UNC80: variants seen among roughly 807,000 people sequenced by gnomAD.
The protein encoded by UNC80 is protein unc-80 homolog.
Under a neutral mutation model 384.6 loss-of-function variants are expected in UNC80, and 164 were observed. The observed-to-expected ratio is 0.43, with a 90% CI of 0.38 to 0.49. The LOEUF (loss-of-function observed/expected upper bound fraction) is 0.49. Ranked by LOEUF, UNC80 falls within the 20% of genes least tolerant of loss-of-function variation. The pLI is 0.00. For synonymous variants in UNC80, 1,486 were observed against 1,527.8 expected (o/e 0.97, Z 0.64); for missense variants, 3,330 against 4,143.0 (o/e 0.80, Z 5.39).
intron 42 of UNC80, 28 bp from the exon 43 acceptor site, chr2:209,939,444 T>G: frequency 6.5e-7 from 1 of 1,531,208 alleles, no homozygotes; most frequent in Non-Finnish European, 8.8e-7. Context: ...TACTCCTTTT[T>G]GTCTGCTCCT....
chr2:209,898,014 T>G (rs1385454649), intron 28 of UNC80, among the ~76,000 whole-genome samples: 1 of 152,152 alleles, frequency 6.6e-6, no homozygotes, highest in East Asian at 1.9e-4. Flanking sequence ...AGCAAAAAGA[T>G]TGTTTATAAT....
chr2:209,881,040 C>T lies in UNC80; in HGVS notation c.4056C>T (p.Thr1352=), dbSNP rs1471854050. 9 of 1,551,712 alleles carry T rather than the reference C, an allele frequency of 5.8e-6. No individual in the cohort carries two copies. The highest frequency in any genetic ancestry group is 7.8e-6 in the Non-Finnish European group (9 of 1,147,048). The change falls in exon 25 of 65, where the codon ACC becomes ACT. Residue 1352 remains threonine, a synonymous_variant. Coordinates refer to ENST00000673920, the MANE Select transcript of UNC80 (RefSeq NM_001371986.1). ...AACQLLLEIT[T]FLRETFSCLP... ...GTCAGCTTCTTCTGGAGATTACCACCTTCCTGCGAGAGACCTTTTCTTGCC... is the reference window on the plus strand; with the variant it reads ...GTCAGCTTCTTCTGGAGATTACCACTTTCCTGCGAGAGACCTTTTCTTGCC...
chr2:209,917,988 A>G (rs776515786), intron 32 of UNC80, 30 bp downstream of exon 32: 1 of 1,546,798 alleles, frequency 6.5e-7, no homozygotes, highest in Non-Finnish European at 8.7e-7. Flanking sequence ...GAGGAGTTAC[A>G]TTAGCAAACC....
intron 5 of UNC80, among the ~76,000 whole-genome samples, 167 bp downstream of exon 5, chr2:209,786,356 C>G (rs1239511802): frequency 6.6e-6 from 1 of 152,190 alleles, no homozygotes; most frequent in Non-Finnish European, 1.5e-5. Flanking sequence ...AGAAACTACT[C>G]TGAATCAAGA....
intron 49 of UNC80, among the ~76,000 whole-genome samples, chr2:209,958,542 C>T (rs2092487174): frequency 6.6e-6 from 1 of 152,106 alleles, no homozygotes; most frequent in Non-Finnish European, 1.5e-5. Flanking sequence ...AAATTCCAAA[C>T]CCAGCTATAA....
At chr2:209,975,012 G>A (rs1365628028) in intron 56 of UNC80, among the ~76,000 whole-genome samples, 1 of 152,168 alleles carries the variant, frequency 6.6e-6, no homozygotes, top group Admixed American at 6.5e-5. Context: ...AGGAATATGG[G>A]TAAGAAGGAA....
chr2:209,853,874 C>T (rs1341046948), intron 22 of UNC80, among the ~76,000 whole-genome samples: 2 of 152,020 alleles, frequency 1.3e-5, no homozygotes, highest in African/African-American at 2.4e-5. Flanking sequence ...AGAATTCTCC[C>T]TAGTCTGTGA....
chr2:209,816,984 A>T lies in UNC80; in HGVS notation c.1411A>T (p.Arg471Ter). Residue 471 changes from arginine to a stop codon, truncating the protein, a stop_gained, in exon 10 of 65, where the codon AGA (arginine) becomes TGA (stop). Transcript: ENST00000673920. LOFTEE classifies it high-confidence loss of function. ...FHHTGKRRPR[R>*]MGVPFLLHED... is the part of the protein sequence containing the mutation. ...CCACACAGGCAAGAGGAGGCCACGG[A>T]GAATGGGAGTGCCCTTCCTGCTTCA... 6.4e-7 allele frequency: 1 copy of T among 1,551,724 alleles called. No homozygotes were observed. Among genetic ancestry groups the T allele is most frequent in the Non-Finnish European group, 8.7e-7 (1 of 1,147,002 alleles).
intron 18 of UNC80, among the ~76,000 whole-genome samples, chr2:209,838,819 G>A (rs944130646): frequency 6.6e-6 from 1 of 152,004 alleles, no homozygotes; most frequent in African/African-American, 2.4e-5. Context: ...AAATTAGCCG[G>A]GTGTGGTGGC....
rs995911713 is a variant in UNC80, at chr2:209,841,770, G to T, written c.3358-580G>T. ...ATCATTCCTTCCTTACCTTCTATTT[G>T]CTAAAAAACATAAGTCATGTATTTG... On this transcript the variant is annotated intron_variant, in intron 20 of 64. Coordinates refer to ENST00000673920, the MANE Select transcript of UNC80 (RefSeq NM_001371986.1). Among the ~76,000 whole-genome samples, 10 of 152,080 alleles carry T rather than the reference G, an allele frequency of 6.6e-5. No individual in the cohort carries two copies. The South Asian group carries it at 1.2e-3, about 19-fold the overall frequency.
chr2:209,941,766 G>T (rs536493715), intron 44 of UNC80, among the ~76,000 whole-genome samples: 1 of 152,254 alleles, frequency 6.6e-6, no homozygotes, highest in South Asian at 2.1e-4. Flanking sequence ...AGCATCAACT[G>T]GAAACTTGTT....
At chr2:209,888,323 C>T in intron 26 of UNC80, 63 bp downstream of exon 26, 3 of 1,516,802 alleles carry the variant, frequency 2.0e-6, no homozygotes, top group Non-Finnish European at 2.7e-6. Flanking sequence ...GATATTTGCA[C>T]TAGGGTCTAA....
At chr2:209,911,796 T>G (rs2088976484) in intron 29 of UNC80, among the ~76,000 whole-genome samples, 2 of 152,224 alleles carry the variant, frequency 1.3e-5, no homozygotes, top group Admixed American at 6.5e-5. Flanking sequence ...TAAATAAGCC[T>G]GCCTTCGTTA....
chr2:209,777,454 C>G lies in UNC80; in HGVS notation c.495C>G (p.Ser165Arg). The G allele has an allele frequency of 6.2e-7, 1 of 1,614,156 alleles. No homozygotes were observed. Among genetic ancestry groups the G allele is most frequent in the Non-Finnish European group, 8.5e-7 (1 of 1,180,016 alleles). Residue 165 changes from serine (S) to arginine (R), a missense_variant, in exon 4 of 65, where the codon AGC becomes AGG. Physicochemically the swap from Ser to Arg is moderately radical, Grantham distance 110. Transcript: ENST00000673920. ...QGSPGQPCQS[S>R]SNDEEENNRR... ...CTCCAGGGCAGCCTTGCCAAAGCAG[C>G]TCTAATGACGAAGAAGAGAACAACC...
At chr2:209,822,675 GT>G (rs1472858659) in intron 13 of UNC80, among the ~76,000 whole-genome samples, 2 of 152,060 alleles carry the variant, frequency 1.3e-5, no homozygotes, top group African/African-American at 2.4e-5. Context: ...TATAATTAGT[GT>G]TTTGTTTTCA....
At chr2:209,818,492 A>C (rs534837653) in intron 11 of UNC80, among the ~76,000 whole-genome samples, 1 of 152,274 alleles carries the variant, frequency 6.6e-6, no homozygotes, top group South Asian at 2.1e-4. Context: ...TAGAAGCATA[A>C]ATTTAGTCCC....
At chr2:209,822,562 A>T (rs2080215827) in intron 13 of UNC80, among the ~76,000 whole-genome samples, 1 of 152,200 alleles carries the variant, frequency 6.6e-6, no homozygotes, top group Admixed American at 6.5e-5. Flanking sequence ...AGAAACCAAA[A>T]AAAAGAGAAT....
At chr2:209,788,371 C>G (rs778931844) in intron 5 of UNC80, among the ~76,000 whole-genome samples, 10 of 149,974 alleles carry the variant, frequency 6.7e-5, no homozygotes, top group Non-Finnish European at 1.5e-4. Flanking sequence ...GAGCAGAGAT[C>G]GCACCATTGC....
intron 22 of UNC80, among the ~76,000 whole-genome samples, chr2:209,858,704 A>AG (rs2083123290): frequency 6.6e-6 from 1 of 151,648 alleles, no homozygotes; most frequent in African/African-American, 2.4e-5. Flanking sequence ...CAAAAAAAAA[A>AG]AAAGAAAGAA....
Sources: gnomAD v4.1 joint callset for allele counts (sites outside exome capture counted in the v4.1 genomes callset) on GRCh38, gnomAD v4.1.1 for gene constraint, MANE v1.5 for transcripts, NCBI Gene and HGNC (gene_info 2026-07-23, HGNC 2026-07-21) for gene names.